ZNF678: variants seen among roughly 807,000 people sequenced by gnomAD.
ZNF678 encodes hypothetical protein MGC42493.
A neutral mutation model predicts 3.0 loss-of-function variants in ZNF678; 5 were observed. The ratio of observed to expected loss-of-function variants is 1.69; its 90% CI spans 0.88 to 3.56. ZNF678 has a LOEUF of 3.56. Ranked by LOEUF, ZNF678 falls within the 30% of genes most tolerant of loss-of-function variation. The probability of loss-of-function intolerance (pLI) is 0.00; values close to 1 mark genes in which losing one functional copy is unlikely to be tolerated. For synonymous variants in ZNF678, 218 were observed against 199.6 expected (o/e 1.09, Z -0.78); for missense variants, 593 against 605.0 (o/e 0.98, Z 0.21).
At chr1:227,582,487 A>ATTTTTTT (rs59111806) in intron 1 of ZNF678, 38 of 111,770 alleles carry the variant, frequency 3.4e-4, no homozygotes, top group Non-Finnish European at 4.2e-4. Context: ...TGCCCAGCTA[A>ATTTTTTT]TTTTTTTTTT....
chr1:227,588,696 A>G (rs1657328379), intron 1 of ZNF678, among the ~76,000 whole-genome samples: 1 of 151,810 alleles, frequency 6.6e-6, no homozygotes, highest in Admixed American at 6.6e-5. Context: ...AATAGAGGCA[A>G]GGTTTCACTT....
intron 1 of ZNF678, among the ~76,000 whole-genome samples, chr1:227,646,172 AT>A (rs1268719749): frequency 6.6e-6 from 1 of 152,186 alleles, no homozygotes; most frequent in Non-Finnish European, 1.5e-5. Flanking sequence ...TTTTAAACAG[AT>A]TTCCAATTTC....
In ZNF678 at chr1:227,599,105, G is replaced by A. The variant is rs567246464; in HGVS notation, c.-164+35381G>A. On this transcript the variant is annotated intron_variant, in intron 1 of 3. Coordinates refer to ENST00000343776, the MANE Select transcript of ZNF678 (RefSeq NM_001367909.1). ...AGACTGGATTGGACCCCTTGATCTC[G>A]CCATTGCTATTGGGTTTATATAGGC... The A allele has an allele frequency of 5.4e-4, 866 of 1,592,128 alleles. 4 individuals carry two copies. The African/African-American group carries it at 0.01, about 18-fold the overall frequency.
At chr1:227,621,777 A>G (rs191547672) in intron 1 of ZNF678, among the ~76,000 whole-genome samples, 57 of 152,294 alleles carry the variant, frequency 3.7e-4, no homozygotes, top group African/African-American at 1.4e-3. Context: ...AACCTGAAAA[A>G]CTAATTTAGG....
At chr1:227,595,853 A>G (rs1366305862) in intron 1 of ZNF678, among the ~76,000 whole-genome samples, 1 of 152,220 alleles carries the variant, frequency 6.6e-6, no homozygotes, top group Non-Finnish European at 1.5e-5. Context: ...ACTCAAATGG[A>G]GTAGGCAAGT....
At chr1:227,640,431 G>T (rs1194256604) in intron 1 of ZNF678, among the ~76,000 whole-genome samples, 3 of 152,052 alleles carry the variant, frequency 2.0e-5, no homozygotes, top group East Asian at 3.9e-4. Flanking sequence ...GGAAAAAGAG[G>T]TAGGGTTGGG....
chr1:227,653,549 T>C (rs1162830815), intron 3 of ZNF678, among the ~76,000 whole-genome samples: 1 of 152,094 alleles, frequency 6.6e-6, no homozygotes, highest in African/African-American at 2.4e-5. Flanking sequence ...GTTGTAATCT[T>C]TGGTTCATAT....
intron 1 of ZNF678, among the ~76,000 whole-genome samples, chr1:227,637,565 C>T (rs1318745996): frequency 6.6e-6 from 1 of 152,124 alleles, no homozygotes; most frequent in Admixed American, 6.5e-5. Context: ...AATGCAACTC[C>T]ATGCTGTTCA....
intron 2 of ZNF678, 75 bp from the exon 3 acceptor site, chr1:227,650,881 C>A: frequency 9.2e-7 from 1 of 1,090,920 alleles, no homozygotes; most frequent in Non-Finnish European, 1.3e-6. Flanking sequence ...CATCAACAAA[C>A]AGCAGTATTT....
At chr1:227,674,820 C>T (rs1264639606) in intron 5 of ZNF678, among the ~76,000 whole-genome samples, 4 of 151,948 alleles carry the variant, frequency 2.6e-5, no homozygotes, top group Non-Finnish European at 2.9e-5. Flanking sequence ...CCAGGCTGGT[C>T]CCTCAGGTGA....
At chr1:227,607,789 T>C (rs1657914027) in intron 1 of ZNF678, among the ~76,000 whole-genome samples, 1 of 146,482 alleles carries the variant, frequency 6.8e-6, no homozygotes, top group South Asian at 2.2e-4. Context: ...TAATTTATAA[T>C]ATATGCTATA....
At chr1:227,673,765 A>T (rs915325189) in intron 5 of ZNF678, among the ~76,000 whole-genome samples, 1 of 152,204 alleles carries the variant, frequency 6.6e-6, no homozygotes, top group African/African-American at 2.4e-5. Flanking sequence ...CTATTTGGAA[A>T]ATATTAACAC....
intron 1 of ZNF678, 139 bp downstream of exon 1, chr1:227,563,863 A>T: frequency 3.9e-6 from 3 of 767,162 alleles, no homozygotes; most frequent in Non-Finnish European, 5.8e-6. Context: ...CCGCCGCGGG[A>T]TTCTCCTCCC....
intron 2 of ZNF678, among the ~76,000 whole-genome samples, chr1:227,648,377 G>C (rs1256673092): frequency 6.6e-6 from 1 of 152,040 alleles, no homozygotes; most frequent in African/African-American, 2.4e-5. Flanking sequence ...AATTATGTAT[G>C]TCCAACATAA....
intron 1 of ZNF678, chr1:227,598,453 C>A: frequency 6.8e-7 from 1 of 1,474,316 alleles, no homozygotes; most frequent in Non-Finnish European, 9.0e-7. Context: ...GAACTAGCAG[C>A]CTTCTTTTTC....
intron 1 of ZNF678, among the ~76,000 whole-genome samples, chr1:227,591,917 T>A (rs1175397583): frequency 6.6e-6 from 1 of 152,292 alleles, no homozygotes; most frequent in Admixed American, 6.5e-5. Context: ...AGTCCCGCGA[T>A]GAGTTTCCTC....
In ZNF678 at chr1:227,655,434, A is replaced by G. The variant is rs1659214661; in HGVS notation, c.1184A>G (p.His395Arg). The G allele has an allele frequency of 1.2e-6, 2 of 1,612,672 alleles. No individual in the cohort carries two copies. The highest frequency in any genetic ancestry group is 1.1e-5 in the South Asian group (1 of 90,972). Residue 395 changes from histidine (H) to arginine (R), a missense_variant, in exon 4 of 4, where the codon CAT becomes CGT. By Grantham distance (29) the His-to-Arg change is conservative. Transcript: ENST00000343776. Reference protein sequence around the residue: ...AFNKFSSLTQHRRIHTGVKPY... With the variant: ...AFNKFSSLTQRRRIHTGVKPY... ...AACAAGTTCTCAAGCCTTACTCAAC[A>G]TAGGAGAATTCATACTGGAGTGAAA...
At chr1:227,607,301 G>C (rs1657898617) in intron 1 of ZNF678, among the ~76,000 whole-genome samples, 1 of 152,152 alleles carries the variant, frequency 6.6e-6, no homozygotes, top group Non-Finnish European at 1.5e-5. Context: ...CTTTGAGGCT[G>C]TCTGTTAATA....
chr1:227,608,072 CTTTA>C, intron 1 of ZNF678, among the ~76,000 whole-genome samples: 1 of 151,812 alleles, frequency 6.6e-6, no homozygotes, highest in South Asian at 2.1e-4. Flanking sequence ...ATCTTTAAAA[CTTTA>C]AAGTTTAAGG....
Sources: gnomAD v4.1 joint callset for allele counts (sites outside exome capture counted in the v4.1 genomes callset) on GRCh38, gnomAD v4.1.1 for gene constraint, MANE v1.5 for transcripts, NCBI Gene and HGNC (gene_info 2026-07-23, HGNC 2026-07-21) for gene names.